Variants in PBX1 observed in about 807,000 individuals in gnomAD.
PBX1 encodes the protein PBX homeobox 1.
A neutral mutation model predicts 53.4 loss-of-function variants in PBX1; 6 were observed. The observed-to-expected ratio is 0.11, with a 90% CI of 0.06 to 0.22. The LOEUF (loss-of-function observed/expected upper bound fraction) is 0.22. Ranked by LOEUF, PBX1 falls within the 10% of genes least tolerant of loss-of-function variation. The probability of loss-of-function intolerance (pLI) is 1.00; values close to 1 mark genes in which losing one functional copy is unlikely to be tolerated. For synonymous variants in PBX1, 204 were observed against 212.3 expected, an observed-to-expected ratio of 0.96 and a Z score of 0.34; for missense variants, 251 against 551.4, an observed-to-expected ratio of 0.46 and a Z score of 5.46.
chr1:164,773,589 A>G (rs145762524), intron 2 of PBX1, among the ~76,000 whole-genome samples: 281 of 150,096 alleles, frequency 1.9e-3, no homozygotes, highest in Middle Eastern at 6.9e-3. Flanking sequence ...TTTTGGGGAC[A>G]TGTGTCTTAA....
intron 2 of PBX1, among the ~76,000 whole-genome samples, chr1:164,774,818 G>A (rs1185082544): frequency 2.0e-5 from 3 of 152,114 alleles, no homozygotes; most frequent in African/African-American, 7.2e-5. Flanking sequence ...TTCGTCCCCT[G>A]TAGGTACACC....
chr1:164,591,131 C>A (rs1372781512), intron 2 of PBX1, among the ~76,000 whole-genome samples: 1 of 152,006 alleles, frequency 6.6e-6, no homozygotes, highest in East Asian at 1.9e-4. Context: ...CCTGCCTCAG[C>A]CTCCCAAGTA....
chr1:164,821,648 C>A (rs750003645), intron 8 of PBX1, 22 bp downstream of exon 8: 6 of 1,585,216 alleles, frequency 3.8e-6, no homozygotes, highest in Admixed American at 3.3e-5. Context: ...AGCCCCCCCA[C>A]CCCCTGCTTT....
chr1:164,692,856 G>T (rs1224003550), intron 2 of PBX1, among the ~76,000 whole-genome samples: 2 of 152,188 alleles, frequency 1.3e-5, no homozygotes, highest in Non-Finnish European at 2.9e-5. Flanking sequence ...GTTTTACTAG[G>T]TTCTAATTTC....
At chr1:164,674,858 C>CCA (rs1553228590) in intron 2 of PBX1, 1 of 73,920 alleles carries the variant, frequency 1.4e-5, no homozygotes, top group Admixed American at 1.3e-4. Flanking sequence ...CCCCCCCCCC[C>CCA]CCCCACCCAC....
chr1:164,694,488 T>C (rs1002606075), intron 2 of PBX1, among the ~76,000 whole-genome samples: 1 of 152,150 alleles, frequency 6.6e-6, no homozygotes, highest in African/African-American at 2.4e-5. Context: ...GAACAAATGG[T>C]AAAGTAAAAC....
At chr1:164,603,134 CAG>C (rs1436400750) in intron 2 of PBX1, among the ~76,000 whole-genome samples, 7 of 151,828 alleles carry the variant, frequency 4.6e-5, no homozygotes, top group African/African-American at 1.7e-4. Flanking sequence ...CCATGAGGAA[CAG>C]AGTCAGAATG....
At chr1:164,587,008 T>TC (rs1654992278) in intron 2 of PBX1, among the ~76,000 whole-genome samples, 1 of 152,184 alleles carries the variant, frequency 6.6e-6, no homozygotes, top group Non-Finnish European at 1.5e-5. Context: ...CTCTGCGTTG[T>TC]AAGGATGTCA....
chr1:164,650,818 G>T (rs1659760523), intron 2 of PBX1, among the ~76,000 whole-genome samples: 1 of 147,418 alleles, frequency 6.8e-6, no homozygotes, highest in African/African-American at 2.5e-5. Context: ...CCACCTCCAA[G>T]AAAAAAAAAA....
chr1:164,873,976 T>C (rs943046315), intron 2 of PBX1, among the ~76,000 whole-genome samples: 4 of 142,712 alleles, frequency 2.8e-5, no homozygotes, highest in African/African-American at 5.2e-5. Context: ...TTTGTGGAGA[T>C]ACATTTGACC....
intron 2 of PBX1, among the ~76,000 whole-genome samples, chr1:164,567,508 A>G (rs1250397070): frequency 6.6e-6 from 1 of 152,136 alleles, no homozygotes; most frequent in Non-Finnish European, 1.5e-5. Flanking sequence ...GGAACTTACA[A>G]ATCAGTTTTA....
At chr1:164,780,290 T>C (rs1667867492) in intron 2 of PBX1, among the ~76,000 whole-genome samples, 1 of 152,222 alleles carries the variant, frequency 6.6e-6, no homozygotes, top group African/African-American at 2.4e-5. Context: ...GCTCCAGTGC[T>C]GCTTCCTCTC....
intron 2 of PBX1, among the ~76,000 whole-genome samples, chr1:164,724,936 C>T (rs1664619397): frequency 6.6e-6 from 1 of 151,976 alleles, no homozygotes. Context: ...CAGACAATTG[C>T]TCGGATCCCT....
At chr1:164,615,510 C>A (rs1469133626) in intron 2 of PBX1, among the ~76,000 whole-genome samples, 2 of 151,802 alleles carry the variant, frequency 1.3e-5, no homozygotes, top group East Asian at 3.9e-4. Context: ...TGGTGATTCC[C>A]TATAGATGAC....
intron 8 of PBX1, among the ~76,000 whole-genome samples, chr1:164,826,880 CA>C (rs143215443): frequency 0.038 from 5,688 of 151,538 alleles, 352 homozygotes; most frequent in African/African-American, 0.13. Flanking sequence ...ATTTATGACA[CA>C]AAAAAAACTC....
chr1:164,568,862 G>A (rs939104234), intron 2 of PBX1, among the ~76,000 whole-genome samples: 1 of 152,206 alleles, frequency 6.6e-6, no homozygotes, highest in African/African-American at 2.4e-5. Flanking sequence ...GGAATAGATT[G>A]TCATAAGATT....
In PBX1 at chr1:164,851,074, C is replaced by T; in HGVS notation, c.*4398C>T. Reference sequence around the variant, plus strand: ...ATGAAGAGTTAATGAGATATTGGGCCAGGCTCAATGCTGTAGTTTTAATGC... The same window carrying T: ...ATGAAGAGTTAATGAGATATTGGGCTAGGCTCAATGCTGTAGTTTTAATGC... On this transcript the variant is annotated 3_prime_UTR_variant, in exon 9 of 9. Transcript: ENST00000420696. 4.5e-6 allele frequency: 1 copy of T among 223,802 alleles called. No individual in the cohort carries two copies. The highest frequency in any genetic ancestry group is 8.9e-6 in the Non-Finnish European group (1 of 112,052). The allele number at this position is 223,802 out of a possible 1,614,324, so 13.9% of individuals were successfully genotyped here. A position where few individuals can be genotyped will look rare whatever the true frequency, so the allele number is the denominator to read the frequency against.
intron 2 of PBX1, among the ~76,000 whole-genome samples, chr1:164,574,289 T>C (rs1654074354): frequency 6.6e-6 from 1 of 152,214 alleles, no homozygotes; most frequent in Admixed American, 6.5e-5. Context: ...GAGCACTCCA[T>C]GGTATGACAG....
intron 2 of PBX1, among the ~76,000 whole-genome samples, chr1:164,868,971 G>A (rs1297636231): frequency 1.3e-5 from 2 of 152,166 alleles, no homozygotes; most frequent in African/African-American, 4.8e-5. Context: ...TTGCTGACAG[G>A]AGAGGAGGTT....
Sources: gnomAD v4.1 joint callset for allele counts (sites outside exome capture counted in the v4.1 genomes callset) on GRCh38, gnomAD v4.1.1 for gene constraint, MANE v1.5 for transcripts, NCBI Gene and HGNC (gene_info 2026-07-23, HGNC 2026-07-21) for gene names.